Variants in NAALADL2 observed in about 807,000 individuals in gnomAD.
The protein encoded by NAALADL2 is N-acetylated alpha-linked acidic dipeptidase like 2.
NAALADL2 carries 76 observed loss-of-function variants against 87.2 expected under a neutral mutation model. The observed-to-expected ratio is 0.87, with a 90% confidence interval of 0.72 to 1.05. NAALADL2 has a LOEUF of 1.05. Among genes scored for constraint, NAALADL2 ranks in the 50% least tolerant of loss-of-function variants. NAALADL2 has a pLI of 0.00. For synonymous variants in NAALADL2, 354 were observed against 331.0 expected (o/e 1.07, Z -0.75); for missense variants, 1,089 against 945.8 (o/e 1.15, Z -1.99).
chr3:174,471,955 A>G (rs147848906), intron 1 of NAALADL2, among the ~76,000 whole-genome samples: 1 of 152,210 alleles, frequency 6.6e-6, no homozygotes, highest in East Asian at 1.9e-4. Flanking sequence ...TTCCTTTTAT[A>G]TGATCTCACA....
intron 4 of NAALADL2, among the ~76,000 whole-genome samples, chr3:175,281,341 A>G (rs1296294749): frequency 6.6e-6 from 1 of 151,892 alleles, no homozygotes; most frequent in Non-Finnish European, 1.5e-5. Flanking sequence ...TGCCTCTTAT[A>G]GTAATATTTT....
chr3:174,541,964 A>G (rs1051788118), intron 1 of NAALADL2, among the ~76,000 whole-genome samples: 1 of 152,170 alleles, frequency 6.6e-6, no homozygotes, highest in Non-Finnish European at 1.5e-5. Flanking sequence ...AGCAGGGCTA[A>G]CCCATAGGCA....
chr3:174,753,335 CA>C (rs1441332623), intron 3 of NAALADL2, among the ~76,000 whole-genome samples: 3 of 151,980 alleles, frequency 2.0e-5, no homozygotes, highest in Non-Finnish European at 4.4e-5. Flanking sequence ...CTTGGCCTCC[CA>C]AAGTGCTGGG....
chr3:174,456,186 A>G (rs1181898262), intron 1 of NAALADL2, among the ~76,000 whole-genome samples: 2 of 152,112 alleles, frequency 1.3e-5, no homozygotes, highest in Non-Finnish European at 2.9e-5. Flanking sequence ...GAGAACTACA[A>G]AACACTGCTC....
At chr3:175,386,247 C>A (rs1268777457) in intron 5 of NAALADL2, among the ~76,000 whole-genome samples, 1 of 150,940 alleles carries the variant, frequency 6.6e-6, no homozygotes, top group Admixed American at 6.6e-5. Context: ...ATTCTGTAGG[C>A]CCCCCTCCCA....
chr3:175,352,824 G>A (rs9874004), intron 5 of NAALADL2, among the ~76,000 whole-genome samples: 4,024 of 152,154 alleles, frequency 0.026, 160 homozygotes, highest in African/African-American at 0.09. Context: ...GGGTATGGGT[G>A]TGGGTGTGGG....
intron 10 of NAALADL2, among the ~76,000 whole-genome samples, chr3:175,621,662 A>C (rs1726247231): frequency 6.6e-6 from 1 of 152,212 alleles, no homozygotes; most frequent in Non-Finnish European, 1.5e-5. Context: ...CAATAAGAAA[A>C]ATACTATAAA....
chr3:174,586,461 C>T (rs1515597), intron 2 of NAALADL2, among the ~76,000 whole-genome samples: 38,826 of 152,034 alleles, frequency 0.26, 6,298 homozygotes, highest in East Asian at 0.75. Flanking sequence ...AACAGACTGA[C>T]GAAGAGACCC....
intron 4 of NAALADL2, among the ~76,000 whole-genome samples, chr3:175,262,133 T>C (rs1751141869): frequency 6.6e-6 from 1 of 152,024 alleles, no homozygotes; most frequent in Non-Finnish European, 1.5e-5. Flanking sequence ...TTTATATATA[T>C]TGGTGATTTA....
At chr3:174,859,134 G>A, upstream of NAALADL2, 2 of 355,940 alleles carry the variant, frequency 5.6e-6, no homozygotes, top group Non-Finnish European at 1.0e-5. Context: ...TGAAAGTAGA[G>A]AATTAAAAGT....
intron 2 of NAALADL2, among the ~76,000 whole-genome samples, chr3:174,570,569 A>G (rs1714817334): frequency 1.3e-5 from 2 of 152,130 alleles, no homozygotes; most frequent in Non-Finnish European, 1.5e-5. Flanking sequence ...TAGGGGATTC[A>G]ACAGTAGGAA....
intron 9 of NAALADL2, among the ~76,000 whole-genome samples, chr3:175,490,589 G>A (rs1451827056): frequency 1.3e-5 from 2 of 150,532 alleles, no homozygotes; most frequent in African/African-American, 4.9e-5. Context: ...TAGAGACATG[G>A]TTTCACCGTG....
chr3:174,825,170 A>T (rs1721846107), intron 3 of NAALADL2, among the ~76,000 whole-genome samples: 1 of 152,248 alleles, frequency 6.6e-6, no homozygotes, highest in African/African-American at 2.4e-5. Flanking sequence ...GGCACACATG[A>T]TGGAGGCTGA....
At chr3:175,614,671 T>G (rs1322536226) in intron 10 of NAALADL2, among the ~76,000 whole-genome samples, 4 of 152,230 alleles carry the variant, frequency 2.6e-5, no homozygotes, top group Admixed American at 2.0e-4. Context: ...ACTAACCTTC[T>G]AAGGCTATTT....
At chr3:175,150,601 A>T (rs1228711947) in intron 2 of NAALADL2, among the ~76,000 whole-genome samples, 8 of 152,164 alleles carry the variant, frequency 5.3e-5, no homozygotes, top group African/African-American at 1.9e-4. Flanking sequence ...CAGTTCGAAT[A>T]GCCTGCCTTA....
chr3:174,727,584 A>C (rs1732324857), intron 2 of NAALADL2, among the ~76,000 whole-genome samples: 1 of 152,084 alleles, frequency 6.6e-6, no homozygotes, highest in African/African-American at 2.4e-5. Context: ...TAGAAGCTTT[A>C]GGTTCACAGC....
chr3:175,100,786 C>T (rs1722013552), intron 2 of NAALADL2, among the ~76,000 whole-genome samples: 1 of 142,454 alleles, frequency 7.0e-6, no homozygotes, highest in Admixed American at 7.6e-5. Context: ...TTTCAGTGAG[C>T]TGAGATTGAG....
At chr3:174,924,275 T>C (rs1735658962) in intron 1 of NAALADL2, among the ~76,000 whole-genome samples, 1 of 137,144 alleles carries the variant, frequency 7.3e-6, no homozygotes, top group African/African-American at 2.8e-5. Context: ...ACTGTTCTCA[T>C]TGTTCAATTC....
intron 2 of NAALADL2, among the ~76,000 whole-genome samples, chr3:175,105,799 T>C (rs962779327): frequency 2.6e-5 from 4 of 151,984 alleles, no homozygotes; most frequent in African/African-American, 9.7e-5. Flanking sequence ...ATGTCTACTA[T>C]ATTCCAGGCA....
Sources: allele counts gnomAD v4.1 joint callset (sites outside exome capture counted in the v4.1 genomes callset), GRCh38; gene constraint gnomAD v4.1.1; transcripts MANE v1.5; gene names NCBI Gene and HGNC (gene_info 2026-07-23, HGNC 2026-07-21).